Variants in LRBA observed in about 807,000 individuals in gnomAD.
The protein encoded by LRBA is lipopolysaccharide-responsive and beige-like anchor protein.
A neutral mutation model predicts 330.0 loss-of-function variants in LRBA; 176 were observed. That is an observed-to-expected ratio of 0.53 (90% CI 0.47 to 0.60). The LOEUF is 0.60. Ranked by LOEUF, LRBA falls within the 20% of genes least tolerant of loss-of-function variation. The pLI, the probability that LRBA is intolerant of heterozygous loss-of-function variation, is 0.00. For synonymous variants in LRBA, 1,230 were observed against 1,193.0 expected, an observed-to-expected ratio of 1.03 and a Z score of -0.64; for missense variants, 3,259 against 3,444.8, an observed-to-expected ratio of 0.95 and a Z score of 1.35.
chr4:150,282,294 C>A (rs1370979952), intron 55 of LRBA, among the ~76,000 whole-genome samples, 156 bp downstream of exon 55: 1 of 152,166 alleles, frequency 6.6e-6, no homozygotes, highest in South Asian at 2.1e-4. Context: ...AGTGTGTGAG[C>A]CTTGTCTGAG....
rs1732452955 is a variant in LRBA, at chr4:150,321,144, C to T, written c.7630+47G>A. The stretch of plus-strand genomic sequence containing the variant: ...ATGCTATATTTAAGTGGGTATTACA[C>T]AGTGTTCAGCAGTTACCATGCCTTA... On this transcript the variant is annotated intron_variant, in intron 50 of 56. Transcript: ENST00000651943. This position sits in a 1 kb window ranked among gnomAD's most constrained non-coding sequence, Gnocchi z 4.5. 2 of 1,483,974 alleles carry T rather than the reference C, an allele frequency of 1.3e-6. No homozygotes were observed. The highest frequency in any genetic ancestry group is 4.1e-5 in the Admixed American group (2 of 48,752). The allele number at this position is 1,483,974 out of a possible 1,614,324, so 91.9% of individuals were successfully genotyped here.
rs147164461 is a variant in LRBA, at chr4:150,468,643, G to C, written c.6668-858C>G. 1.1e-3 allele frequency among the ~76,000 whole-genome samples: 172 copies of C among 152,034 alleles called. 2 individuals are homozygous for C. The East Asian group carries it at 0.031, about 27-fold the overall frequency. ...ACATATTTTTAGTTAGATTTAACAT[G>C]AACAGACTTTTACGGTGAACATAGA... On this transcript the variant is annotated intron_variant, in intron 43 of 56. Transcript: ENST00000651943.
intron 56 of LRBA, among the ~76,000 whole-genome samples, chr4:150,270,529 GGA>G (rs1005159975): frequency 1.3e-5 from 2 of 152,144 alleles, no homozygotes; most frequent in Non-Finnish European, 2.9e-5. Flanking sequence ...TGAGCTGGTG[GGA>G]GAGAGAGTCA....
intron 2 of LRBA, among the ~76,000 whole-genome samples, chr4:150,961,949 G>T (rs888045562): frequency 3.4e-5 from 5 of 149,140 alleles, no homozygotes; most frequent in Non-Finnish European, 7.4e-5. Context: ...TTTATTTGAG[G>T]AAACTGAGGC....
At chr4:150,819,335 A>T (rs1310140355) in intron 30 of LRBA, among the ~76,000 whole-genome samples, 1 of 151,984 alleles carries the variant, frequency 6.6e-6, no homozygotes, top group Non-Finnish European at 1.5e-5. Context: ...TGGGGACTTA[A>T]GGTTACACAA....
At chr4:150,552,580 A>T (rs1205203400) in intron 40 of LRBA, among the ~76,000 whole-genome samples, 3 of 152,188 alleles carry the variant, frequency 2.0e-5, no homozygotes, top group African/African-American at 7.2e-5. Flanking sequence ...ACTGTGGAAG[A>T]CAGGGTGGTG....
At chr4:150,535,478 T>C (rs1207404275) in intron 40 of LRBA, among the ~76,000 whole-genome samples, 1 of 152,204 alleles carries the variant, frequency 6.6e-6, no homozygotes, top group Non-Finnish European at 1.5e-5. Context: ...TTCTTGATTT[T>C]CTCTCCTTCT....
intron 40 of LRBA, among the ~76,000 whole-genome samples, chr4:150,557,775 T>C (rs1435843631): frequency 6.6e-6 from 1 of 152,246 alleles, no homozygotes; most frequent in Non-Finnish European, 1.5e-5. Flanking sequence ...CATAGCTACA[T>C]GCTATCAACG....
intron 37 of LRBA, among the ~76,000 whole-genome samples, chr4:150,600,353 C>G (rs1426446040): frequency 6.6e-6 from 1 of 151,852 alleles, no homozygotes; most frequent in Non-Finnish European, 1.5e-5. Flanking sequence ...ACTGACAGTC[C>G]CAAACTACCC....
chr4:150,315,656 T>C (rs1185357257), intron 50 of LRBA, 33 bp from the exon 51 acceptor site: 3 of 1,362,386 alleles, frequency 2.2e-6, no homozygotes, highest in Non-Finnish European at 3.0e-6. Context: ...AAAAAAGGCA[T>C]TATTTTTTAT....
chr4:150,370,484 CA>C (rs1174597224), intron 47 of LRBA, among the ~76,000 whole-genome samples: 1 of 151,520 alleles, frequency 6.6e-6, no homozygotes, highest in Non-Finnish European at 1.5e-5. Flanking sequence ...TTGGAAAAGG[CA>C]AAACTATGGG....
chr4:150,371,181 A>ATTTTTTTTTTT lies in LRBA; in HGVS notation c.7195-21023_7195-21022insAAAAAAAAAAA, dbSNP rs1274384749. Among the ~76,000 whole-genome samples, 93 of 136,786 alleles carry ATTTTTTTTTTT rather than the reference A, an allele frequency of 6.8e-4. 1 individual carries two copies. Among genetic ancestry groups the ATTTTTTTTTTT allele is most frequent in the Middle Eastern group, 3.6e-3 (1 of 278 alleles). The allele number at this position is 136,786 out of a possible 152,430, so 89.7% of individuals were successfully genotyped here. A position where few individuals can be genotyped will look rare whatever the true frequency, so the allele number is the denominator to read the frequency against. On this transcript the variant is annotated intron_variant, in intron 47 of 56. Transcript: ENST00000651943. ...GAAAAGCATGAGCTGCAAGCTACTA[A>ATTTTTTTTTTT]ATTTTTTTTTTTTTTTTTTTTTTTT...
chr4:150,732,908 T>C (rs1203028858), intron 36 of LRBA, among the ~76,000 whole-genome samples: 1 of 152,086 alleles, frequency 6.6e-6, no homozygotes, highest in Non-Finnish European at 1.5e-5. Flanking sequence ...AGAATTTTAA[T>C]ATATGCTGTC....
chr4:150,551,050 G>A (rs1766520275), intron 40 of LRBA, among the ~76,000 whole-genome samples: 2 of 152,094 alleles, frequency 1.3e-5, no homozygotes, highest in Admixed American at 1.3e-4. Flanking sequence ...TTCATAAATG[G>A]ATTAATGTGA....
chr4:150,728,928 T>C (rs1730070774), intron 36 of LRBA, among the ~76,000 whole-genome samples: 1 of 152,218 alleles, frequency 6.6e-6, no homozygotes, highest in Admixed American at 6.5e-5. Flanking sequence ...TTGCAGATGA[T>C]GTGATCTTAT....
At position 150,763,314 on chromosome 4, in the gene LRBA, TC is replaced by T. The variant is rs150431277; in HGVS notation, c.5581-1468del. 6.4e-3 allele frequency among the ~76,000 whole-genome samples: 979 copies of T among 152,052 alleles called. 14 individuals carry two copies. Among genetic ancestry groups the T allele is most frequent in the African/African-American group, 0.022 (924 of 41,552 alleles). ...CTACATCTGCAGGTCTTAGATATTA[TC>T]TTCTAAAAGTGTATTCTAGGTATAA... On this transcript the variant is annotated intron_variant, in intron 34 of 56. Transcript: ENST00000651943.
At position 150,975,809 on chromosome 4, in the gene LRBA, C is replaced by A. The variant is rs1333529492; in HGVS notation, c.216+38618G>T. On this transcript the variant is annotated intron_variant, in intron 2 of 56. Coordinates refer to ENST00000651943, the MANE Select transcript of LRBA (RefSeq NM_001364905.1). The stretch of plus-strand genomic sequence containing the variant: ...GGTAAGATTGAAAAAAATGAATAAT[C>A]TAATGGAAATATGGGACAGTATCCA... 2.0e-5 allele frequency among the ~76,000 whole-genome samples: 3 copies of A among 151,982 alleles called. No individual in the cohort carries two copies. The East Asian group carries it at 5.8e-4, about 29-fold the overall frequency.
At chr4:150,750,125 C>T (rs779906039) in intron 35 of LRBA, among the ~76,000 whole-genome samples, 12 of 152,212 alleles carry the variant, frequency 7.9e-5, no homozygotes, top group Non-Finnish European at 1.3e-4. Context: ...ACACTCCACA[C>T]TCCCTAAAAG....
chr4:150,738,290 C>T (rs938540147), intron 35 of LRBA, among the ~76,000 whole-genome samples: 14 of 151,988 alleles, frequency 9.2e-5, no homozygotes, highest in East Asian at 5.8e-4. Flanking sequence ...AGCAGCCGGC[C>T]GAATTCTGAC....
Sources: allele counts gnomAD v4.1 joint callset (sites outside exome capture counted in the v4.1 genomes callset), GRCh38; gene constraint gnomAD v4.1.1; non-coding constraint Gnocchi (gnomAD v3.1); transcripts MANE v1.5; gene names NCBI Gene and HGNC (gene_info 2026-07-23, HGNC 2026-07-21).